Variants in PCDHA2 observed in about 807,000 individuals in gnomAD.
The protein encoded by PCDHA2 is protocadherin alpha 2.
A neutral mutation model predicts 66.0 loss-of-function variants in PCDHA2; 58 were observed. The ratio of observed to expected loss-of-function variants is 0.88; its 90% CI spans 0.71 to 1.09. The LOEUF (loss-of-function observed/expected upper bound fraction) is 1.09, where lower values mean the gene tolerates loss of function less well. Among genes scored for constraint, PCDHA2 ranks in the 50% least tolerant of loss-of-function variants. The probability of loss-of-function intolerance (pLI) is 0.00; values close to 1 mark genes in which losing one functional copy is unlikely to be tolerated. For synonymous variants in PCDHA2, 634 were observed against 554.0 expected (o/e 1.14, Z -2.03); for missense variants, 1,267 against 1,242.3 (o/e 1.02, Z -0.30).
chr5:140,923,489 A>C (rs549066009), intron 1 of PCDHA2, among the ~76,000 whole-genome samples: 2 of 152,182 alleles, frequency 1.3e-5, no homozygotes, highest in Non-Finnish European at 2.9e-5. Flanking sequence ...TCTTCACACC[A>C]CTGCACTCCA....
intron 1 of PCDHA2, among the ~76,000 whole-genome samples, chr5:140,925,297 A>G (rs572435227): frequency 6.6e-6 from 1 of 152,246 alleles, no homozygotes; most frequent in Non-Finnish European, 1.5e-5. Context: ...ATGTTTCATT[A>G]TTGGGGCTTT....
At chr5:140,824,152 A>T (rs184380215) in intron 1 of PCDHA2, 13 of 1,611,614 alleles carry the variant, frequency 8.1e-6, no homozygotes, top group Middle Eastern at 1.7e-4. Context: ...ATTAACATCC[A>T]TCTTTCCCTC....
intron 1 of PCDHA2, chr5:140,836,557 C>T (rs2150263942): frequency 1.2e-6 from 2 of 1,613,660 alleles, no homozygotes; most frequent in Non-Finnish European, 1.7e-6. Context: ...CGGTGCTCAG[C>T]GCCGTCCTCT....
At chr5:140,877,578 C>A (rs782777600) in intron 1 of PCDHA2, 6 of 1,613,700 alleles carry the variant, frequency 3.7e-6, no homozygotes, top group East Asian at 2.2e-5. Flanking sequence ...ACCTCATCAT[C>A]GCCATCTGTG....
chr5:140,892,311 T>C (rs1042617869), intron 1 of PCDHA2, among the ~76,000 whole-genome samples: 1 of 152,222 alleles, frequency 6.6e-6, no homozygotes, highest in Non-Finnish European at 1.5e-5. Flanking sequence ...TTGGGGCTTA[T>C]AACATTTTCT....
intron 1 of PCDHA2, chr5:140,828,077 C>T (rs782554927): frequency 1.9e-6 from 3 of 1,577,254 alleles, no homozygotes; most frequent in East Asian, 2.2e-5. Context: ...GGAAATAAAA[C>T]CAGAGGTATT....
Position 140,842,478 on chromosome 5 carries a change from C to A in PCDHA2, c.2388+45126C>A, listed in dbSNP as rs2150337029. 3.7e-4 allele frequency: 597 copies of A among 1,613,926 alleles called. 9 individuals carry two copies. The African/African-American group carries it at 6.5e-3, about 18-fold the overall frequency. On this transcript the variant is annotated intron_variant, in intron 1 of 3. Transcript: ENST00000526136. ...GATTCAGGTGCCAACGGGCAGGTGA[C>A]CTGCTCCCTGATGCCCCATGTCCCC...
At chr5:140,942,619 TAA>T (rs35075175) in intron 1 of PCDHA2, among the ~76,000 whole-genome samples, 10 of 148,966 alleles carry the variant, frequency 6.7e-5, no homozygotes, top group Middle Eastern at 3.4e-3. Context: ...TTGCCAATTG[TAA>T]AAAAAAAAAT....
chr5:140,965,700 C>CT (rs1554227802), intron 1 of PCDHA2, among the ~76,000 whole-genome samples: 1 of 152,162 alleles, frequency 6.6e-6, no homozygotes, highest in East Asian at 1.9e-4. Flanking sequence ...TTAGAAAAAG[C>CT]TTGAGAGAAG....
intron 1 of PCDHA2, chr5:140,797,589 T>A: frequency 1.7e-6 from 1 of 575,172 alleles, no homozygotes; most frequent in Non-Finnish European, 3.0e-6. Flanking sequence ...AAGTCATAAG[T>A]AATAGACCAT....
chr5:140,995,353 G>A lies in PCDHA2; in HGVS notation c.2536+12790G>A, dbSNP rs922727759. 8.5e-5 allele frequency among the ~76,000 whole-genome samples: 13 copies of A among 152,138 alleles called. 1 individual carries two copies. The highest frequency in any genetic ancestry group is 4.2e-4 in the South Asian group (2 of 4,804). ...GTAGTGTAGACGGCATGGATAGGTC[G>A]GACAGAGGGATGATTCACGTACTGG... On this transcript the variant is annotated intron_variant, in intron 3 of 3. Transcript: ENST00000526136.
At chr5:140,882,667 C>A in intron 1 of PCDHA2, 1 of 1,614,160 alleles carries the variant, frequency 6.2e-7, no homozygotes, top group Middle Eastern at 1.6e-4. Flanking sequence ...CGCCCATATT[C>A]CCTGAAAGCA....
chr5:140,929,024 C>T, intron 1 of PCDHA2: 1 of 1,614,172 alleles, frequency 6.2e-7, no homozygotes, highest in Non-Finnish European at 8.5e-7. Context: ...CACCAGAGCC[C>T]AGGCTGTTGC....
At position 140,850,724 on chromosome 5, in the gene PCDHA2, C is replaced by A. The variant is rs2150495935; in HGVS notation, c.2388+53372C>A. On this transcript the variant is annotated intron_variant, in intron 1 of 3. Coordinates refer to ENST00000526136, the MANE Select transcript of PCDHA2 (RefSeq NM_018905.3). ...GCAAGCCGACGCTGGTGTGTTCTAG[C>A]GCGGTGGGGAGTTGGTCGTACTCGC... The A allele has an allele frequency of 5.0e-6, 8 of 1,597,668 alleles. No individual in the cohort carries two copies. In the East Asian group the frequency reaches 1.1e-4, roughly 22 times the overall value.
At chr5:140,820,247 C>T (rs961844156) in intron 1 of PCDHA2, among the ~76,000 whole-genome samples, 7 of 151,972 alleles carry the variant, frequency 4.6e-5, no homozygotes, top group Middle Eastern at 7.0e-3. Context: ...TAGTAAAAAT[C>T]TTATAAGGGA....
Position 140,879,336 on chromosome 5 carries a change from AG to A in PCDHA2, c.2388+81985del, listed in dbSNP as rs1391403992. Among the ~76,000 whole-genome samples, 16 of 152,362 alleles carry A rather than the reference AG, an allele frequency of 1.1e-4. No individual in the cohort carries two copies. In the East Asian group the frequency reaches 2.9e-3, roughly 28 times the overall value. ...TGACTCTCACTTTTTTAGTTTGTTC[AG>A]CTGAGAAGATGACATTGCCATTAAC... On this transcript the variant is annotated intron_variant, in intron 1 of 3. Transcript: ENST00000526136.
intron 1 of PCDHA2, chr5:140,852,862 T>C (rs1477791467): frequency 2.1e-6 from 2 of 960,286 alleles, no homozygotes; most frequent in East Asian, 1.1e-4. Context: ...GCATTTACTA[T>C]GTCATCAATA....
intron 1 of PCDHA2, chr5:140,870,088 A>G: frequency 1.9e-6 from 3 of 1,613,934 alleles, no homozygotes; most frequent in Non-Finnish European, 2.5e-6. Flanking sequence ...GACTCCCCCA[A>G]TGGCAGGTCA....
intron 1 of PCDHA2, among the ~76,000 whole-genome samples, chr5:140,800,187 A>ATATATT (rs1201565485): frequency 2.0e-5 from 3 of 152,098 alleles, no homozygotes. Flanking sequence ...GAAAAATTAA[A>ATATATT]CCTAATATAT....
Sources: allele counts gnomAD v4.1 joint callset (sites outside exome capture counted in the v4.1 genomes callset), GRCh38; gene constraint gnomAD v4.1.1; transcripts MANE v1.5; gene names NCBI Gene and HGNC (gene_info 2026-07-23, HGNC 2026-07-21).